SRGAP1: variants seen among roughly 807,000 people sequenced by gnomAD.
The protein encoded by SRGAP1 is SLIT-ROBO Rho GTPase activating protein 1, also known as SLIT-ROBO Rho GTPase-activating protein 1.
Under a neutral mutation model 121.9 loss-of-function variants are expected in SRGAP1, and 43 were observed. The observed-to-expected ratio is 0.35, with a 90% CI of 0.28 to 0.46. The LOEUF is 0.46. Ranked by LOEUF, SRGAP1 falls within the 20% of genes least tolerant of loss-of-function variation. SRGAP1 has a pLI of 1.00. For synonymous variants in SRGAP1, 447 were observed against 485.4 expected, an observed-to-expected ratio of 0.92 and a Z score of 1.04; for missense variants, 1,102 against 1,350.9, an observed-to-expected ratio of 0.82 and a Z score of 2.89.
At chr12:64,112,132 G>T in intron 17 of SRGAP1, 146 bp downstream of exon 17, 1 of 653,452 alleles carries the variant, frequency 1.5e-6, no homozygotes, top group East Asian at 2.7e-5. Flanking sequence ...TAAATTTTTA[G>T]AATACTAAGA....
At chr12:63,976,550 A>G (rs544195817) in intron 1 of SRGAP1, among the ~76,000 whole-genome samples, 5 of 152,328 alleles carry the variant, frequency 3.3e-5, no homozygotes, top group South Asian at 2.1e-4. Context: ...CTTTCAGTCT[A>G]TTATTTATGT....
intron 3 of SRGAP1, among the ~76,000 whole-genome samples, chr12:64,011,430 T>C (rs2034248473): frequency 6.6e-6 from 1 of 152,118 alleles, no homozygotes; most frequent in Non-Finnish European, 1.5e-5. Flanking sequence ...ATAACCCTTT[T>C]AAAAAATAAT....
In SRGAP1 at chr12:63,868,056, A is replaced by ATT. The variant is rs1219689164; in HGVS notation, c.67+23194_67+23195dup. 2.7e-3 allele frequency among the ~76,000 whole-genome samples: 158 copies of ATT among 57,868 alleles called. 6 individuals carry two copies. Among genetic ancestry groups the ATT allele is most frequent in the Non-Finnish European group, 3.9e-3 (122 of 31,344 alleles). The allele number at this position is 57,868 out of a possible 152,430, so 38.0% of individuals were successfully genotyped here. A position where few individuals can be genotyped will look rare whatever the true frequency, so the allele number is the denominator to read the frequency against. On this transcript the variant is annotated intron_variant, in intron 1 of 21. Coordinates refer to ENST00000355086, the MANE Select transcript of SRGAP1 (RefSeq NM_020762.4). ...TTTCCATATATATATATATATATAT[A>ATT]TTTTTTTTTTTTTTTTTTTTTTGTT...
At position 64,111,190 on chromosome 12, in the gene SRGAP1, G is replaced by A. The variant is rs2036425381; in HGVS notation, c.1920-572G>A. The stretch of plus-strand genomic sequence containing the variant: ...CTGAGGATTCTTTTCCCCTTTTCTT[G>A]TATTTATAATGGCTTTTGTGACACT... On this transcript the variant is annotated intron_variant, in intron 16 of 21. Transcript: ENST00000355086. Among the ~76,000 whole-genome samples the A allele has an allele frequency of 2.6e-5, 4 of 152,118 alleles. 1 individual carries two copies. In the South Asian group the frequency reaches 8.3e-4, roughly 32 times the overall value.
intron 2 of SRGAP1, 41 bp from the exon 3 acceptor site, chr12:63,989,869 C>A: frequency 6.4e-7 from 1 of 1,556,282 alleles, no homozygotes; most frequent in Non-Finnish European, 8.7e-7. Context: ...ATTGGGGCAA[C>A]TTTGAAATGG....
intron 1 of SRGAP1, among the ~76,000 whole-genome samples, chr12:63,869,050 C>G (rs1165413443): frequency 2.0e-5 from 3 of 152,144 alleles, no homozygotes; most frequent in Non-Finnish European, 4.4e-5. Context: ...AGGCATAATC[C>G]TCTCATTTGC....
intron 1 of SRGAP1, among the ~76,000 whole-genome samples, chr12:63,869,066 G>GAT (rs1899761327): frequency 1.3e-5 from 2 of 152,160 alleles, no homozygotes; most frequent in Non-Finnish European, 2.9e-5. Context: ...TTTGCTTCCA[G>GAT]ATAGGATATA....
intron 6 of SRGAP1, among the ~76,000 whole-genome samples, chr12:64,058,131 A>G (rs1489724399): frequency 2.0e-5 from 3 of 152,178 alleles, no homozygotes; most frequent in Non-Finnish European, 2.9e-5. Context: ...AACTCTCAGC[A>G]TTTGTCACAG....
intron 1 of SRGAP1, among the ~76,000 whole-genome samples, chr12:63,922,854 A>G (rs565955544): frequency 6.6e-6 from 1 of 152,376 alleles, no homozygotes; most frequent in South Asian, 2.1e-4. Context: ...AATGAATGAA[A>G]GATCCAACTT....
intron 1 of SRGAP1, among the ~76,000 whole-genome samples, chr12:63,902,454 G>T (rs73113969): frequency 0.011 from 1,602 of 152,296 alleles, 18 homozygotes; most frequent in Middle Eastern, 0.048. Context: ...GTCACAATTT[G>T]TAATTTGTGG....
intron 21 of SRGAP1, among the ~76,000 whole-genome samples, chr12:64,129,109 A>AT (rs869113551): frequency 2.0e-5 from 3 of 147,892 alleles, no homozygotes; most frequent in East Asian, 1.9e-4. Context: ...AAAAAAAAAA[A>AT]TTTTTTTTTA....
intron 10 of SRGAP1, among the ~76,000 whole-genome samples, chr12:64,082,863 G>A (rs772971624): frequency 2.0e-4 from 30 of 152,274 alleles, no homozygotes; most frequent in Admixed American, 4.6e-4. Flanking sequence ...GAAGAAACTG[G>A]ATAGCTTTCA....
At position 63,883,901 on chromosome 12, in the gene SRGAP1, G is replaced by A. The variant is rs980133708; in HGVS notation, c.67+39018G>A. Among the ~76,000 whole-genome samples, 3 of 150,882 alleles carry A rather than the reference G, an allele frequency of 2.0e-5. No individual in the cohort carries two copies. In the South Asian group the frequency reaches 6.3e-4, roughly 32 times the overall value. On this transcript the variant is annotated intron_variant, in intron 1 of 21. Transcript: ENST00000355086. ...TCTGCATCTCCTGACGTCGTGATCCGCCCGTCTCGGCCTCACAAAGTGCTG... is the reference window on the plus strand; with the variant it reads ...TCTGCATCTCCTGACGTCGTGATCCACCCGTCTCGGCCTCACAAAGTGCTG...
At chr12:63,890,047 T>C (rs955514376) in intron 1 of SRGAP1, among the ~76,000 whole-genome samples, 44 of 152,212 alleles carry the variant, frequency 2.9e-4, no homozygotes, top group African/African-American at 1.1e-3. Flanking sequence ...TTCCTTTCTA[T>C]CTCTTTTAGA....
intron 1 of SRGAP1, among the ~76,000 whole-genome samples, chr12:63,845,959 T>C (rs1342644275): frequency 6.6e-6 from 1 of 152,182 alleles, no homozygotes; most frequent in Non-Finnish European, 1.5e-5. Context: ...GCCTGAGTGT[T>C]CTTTTGTGTG....
Position 64,151,321 on chromosome 12 carries a change from C to A in SRGAP1, c.*8649C>A, listed in dbSNP as rs1462048416. On this transcript the variant is annotated 3_prime_UTR_variant, in exon 22 of 22. Coordinates refer to ENST00000355086, the MANE Select transcript of SRGAP1 (RefSeq NM_020762.4). ...AATTCACACTAGGAGTCTCAGTCAA[C>A]ATGATTTTTTAATGGCTGTATAATA... is the stretch of plus-strand genomic sequence containing the variant. 1 of 152,104 alleles carries A rather than the reference C, an allele frequency of 6.6e-6. No individual in the cohort carries two copies. The highest frequency in any genetic ancestry group is 1.5e-5 in the Non-Finnish European group (1 of 68,014). 9.4% of individuals were successfully genotyped at this position (152,104 alleles called of 1,614,324 possible). A position where few individuals can be genotyped will look rare whatever the true frequency, so the allele number is the denominator to read the frequency against.
intron 1 of SRGAP1, among the ~76,000 whole-genome samples, chr12:63,965,427 C>T (rs960495914): frequency 2.0e-5 from 3 of 152,050 alleles, no homozygotes; most frequent in Admixed American, 1.3e-4. Context: ...ATTTTGGTTA[C>T]ATTTTCTAAC....
intron 6 of SRGAP1, among the ~76,000 whole-genome samples, chr12:64,051,134 C>G (rs537513670): frequency 6.6e-6 from 1 of 152,232 alleles, no homozygotes. Flanking sequence ...TTTCTTTGTC[C>G]TGTATATTCT....
chr12:63,967,123 C>T (rs1312804099), intron 1 of SRGAP1, among the ~76,000 whole-genome samples: 1 of 152,140 alleles, frequency 6.6e-6, no homozygotes, highest in African/African-American at 2.4e-5. Flanking sequence ...CAGGCAGTAG[C>T]CTGGCTTATT....
Sources: gnomAD v4.1 joint callset for allele counts (sites outside exome capture counted in the v4.1 genomes callset) on GRCh38, gnomAD v4.1.1 for gene constraint, MANE v1.5 for transcripts, NCBI Gene and HGNC (gene_info 2026-07-23, HGNC 2026-07-21) for gene names.